Variants in PTPRM observed in about 807,000 individuals in gnomAD.
PTPRM encodes receptor-type tyrosine-protein phosphatase mu.
PTPRM carries 47 observed loss-of-function variants against 186.7 expected under a neutral mutation model. The ratio of observed to expected loss-of-function variants is 0.25; its 90% CI spans 0.20 to 0.32. PTPRM has a LOEUF of 0.32. PTPRM is among the 10% of genes least tolerant of loss of function. The pLI is 1.00. For synonymous variants in PTPRM, 668 were observed against 674.9 expected (o/e 0.99, Z 0.16); for missense variants, 1,494 against 1,865.0 (o/e 0.80, Z 3.66).
At chr18:7,772,444 C>CTTCCTTCCTT in intron 1 of PTPRM, among the ~76,000 whole-genome samples, 2 of 92,424 alleles carry the variant, frequency 2.2e-5, no homozygotes, top group African/African-American at 5.2e-5. Flanking sequence ...CTTCCCCTTC[C>CTTCCTTCCTT]CCTTCCTTCC....
intron 1 of PTPRM, among the ~76,000 whole-genome samples, chr18:7,745,346 C>T (rs2040963993): frequency 6.6e-6 from 1 of 152,124 alleles, no homozygotes; most frequent in Admixed American, 6.5e-5. Flanking sequence ...TGCAGTGATT[C>T]CTGCATTTGG....
At chr18:7,778,121 C>T (rs986656563) in intron 2 of PTPRM, among the ~76,000 whole-genome samples, 18 of 152,074 alleles carry the variant, frequency 1.2e-4, no homozygotes, top group Admixed American at 2.6e-4. Context: ...AGATTTGTTT[C>T]CCCATATCCT....
At chr18:8,334,347 C>A (rs1261128496) in intron 22 of PTPRM, among the ~76,000 whole-genome samples, 2 of 152,326 alleles carry the variant, frequency 1.3e-5, no homozygotes, top group African/African-American at 2.4e-5. Context: ...GCCTATCCAC[C>A]AATCCCCTGG....
intron 7 of PTPRM, among the ~76,000 whole-genome samples, chr18:8,069,093 G>C (rs2089293176): frequency 8.9e-6 from 1 of 112,082 alleles, no homozygotes; most frequent in Non-Finnish European, 1.7e-5. Context: ...CTGGGTGACA[G>C]TGTGAGACTC....
intron 14 of PTPRM, among the ~76,000 whole-genome samples, chr18:8,188,306 C>G (rs2093668169): frequency 6.6e-6 from 1 of 152,216 alleles, no homozygotes; most frequent in South Asian, 2.1e-4. Context: ...ACAGCTGAAA[C>G]CTTTAGTCCT....
At chr18:8,103,523 C>G (rs1190817687) in intron 11 of PTPRM, among the ~76,000 whole-genome samples, 1 of 152,204 alleles carries the variant, frequency 6.6e-6, no homozygotes, top group Non-Finnish European at 1.5e-5. Context: ...CTGCAGCTTC[C>G]TCACCTCCCT....
intron 7 of PTPRM, among the ~76,000 whole-genome samples, chr18:7,993,722 C>T (rs895246625): frequency 6.6e-6 from 1 of 152,010 alleles, no homozygotes; most frequent in African/African-American, 2.4e-5. Context: ...ATGAGAAATG[C>T]TTAAGAAAGA....
intron 1 of PTPRM, among the ~76,000 whole-genome samples, chr18:7,731,485 A>C (rs1473406016): frequency 6.6e-6 from 1 of 152,182 alleles, no homozygotes; most frequent in African/African-American, 2.4e-5. Flanking sequence ...TTAGGAGGGC[A>C]CCTGAAGATC....
At chr18:8,243,125 GTTTA>G (rs1323316294) in intron 14 of PTPRM, among the ~76,000 whole-genome samples, 4 of 152,142 alleles carry the variant, frequency 2.6e-5, no homozygotes, top group African/African-American at 7.2e-5. Context: ...TGTGTTACCT[GTTTA>G]TTTATGTTAG....
chr18:8,194,220 T>A (rs1187993887), intron 14 of PTPRM, among the ~76,000 whole-genome samples: 2 of 152,238 alleles, frequency 1.3e-5, no homozygotes, highest in Non-Finnish European at 2.9e-5. Flanking sequence ...CATTTCTGTC[T>A]TCATCCCCTT....
intron 1 of PTPRM, among the ~76,000 whole-genome samples, chr18:7,622,232 G>T (rs114746453): frequency 6.6e-6 from 1 of 152,066 alleles, no homozygotes; most frequent in Admixed American, 6.6e-5. Context: ...TCTGAAATAC[G>T]TAGTGTATTT....
intron 14 of PTPRM, among the ~76,000 whole-genome samples, chr18:8,240,827 A>AGGG: frequency 4.3e-5 from 1 of 23,176 alleles, no homozygotes; most frequent in East Asian, 9.3e-4. Context: ...AGAGAGAGAG[A>AGGG]AAGAAAGAAA....
At chr18:7,874,037 A>G (rs1012401010) in intron 2 of PTPRM, among the ~76,000 whole-genome samples, 3 of 152,076 alleles carry the variant, frequency 2.0e-5, no homozygotes, top group Non-Finnish European at 2.9e-5. Context: ...TGTCAACATT[A>G]TATTATTGGT....
chr18:7,839,819 T>C (rs1449779119), intron 2 of PTPRM, among the ~76,000 whole-genome samples: 1 of 152,064 alleles, frequency 6.6e-6, no homozygotes, highest in Non-Finnish European at 1.5e-5. Flanking sequence ...GGTTCCAGAG[T>C]ACTTTAACTT....
At chr18:7,844,374 C>A (rs1409346340) in intron 2 of PTPRM, among the ~76,000 whole-genome samples, 1 of 152,130 alleles carries the variant, frequency 6.6e-6, no homozygotes, top group Non-Finnish European at 1.5e-5. Context: ...AAATCAGGTT[C>A]AAATATGGAA....
chr18:7,923,336 G>A (rs541036882), intron 4 of PTPRM, among the ~76,000 whole-genome samples: 1 of 152,300 alleles, frequency 6.6e-6, no homozygotes, highest in African/African-American at 2.4e-5. Flanking sequence ...TGTTCTGAGT[G>A]TGCCAGATAA....
At position 8,268,831 on chromosome 18, in the gene PTPRM, T is replaced by C. The variant is rs535037728; in HGVS notation, c.2754+15417T>C. Among the ~76,000 whole-genome samples the C allele has an allele frequency of 3.3e-5, 5 of 152,200 alleles. No homozygotes were observed. The South Asian group carries it at 6.2e-4, about 19-fold the overall frequency. ...AGAATGAAGCATATAAATTATATGA[T>C]CACCTCAATATATGTAGAAAAGGCA... On this transcript the variant is annotated intron_variant, in intron 19 of 32. Transcript: ENST00000580170.
At chr18:8,288,865 G>C (rs1464876274) in intron 19 of PTPRM, among the ~76,000 whole-genome samples, 1 of 152,150 alleles carries the variant, frequency 6.6e-6, no homozygotes, top group Non-Finnish European at 1.5e-5. Flanking sequence ...GGCCCTCCAG[G>C]GTGTTCATAC....
chr18:8,247,372 A>G (rs1457208035), intron 15 of PTPRM, among the ~76,000 whole-genome samples: 1 of 152,236 alleles, frequency 6.6e-6, no homozygotes, highest in Admixed American at 6.5e-5. Context: ...TTTGTTTTTC[A>G]TAAAGCATTG....
Sources: gnomAD v4.1 joint callset for allele counts (sites outside exome capture counted in the v4.1 genomes callset) on GRCh38, gnomAD v4.1.1 for gene constraint, MANE v1.5 for transcripts, NCBI Gene and HGNC (gene_info 2026-07-23, HGNC 2026-07-21) for gene names.